GRID2: variants seen among roughly 807,000 people sequenced by gnomAD.
GRID2 encodes the protein glutamate receptor ionotropic, delta-2.
GRID2 carries 33 observed loss-of-function variants against 114.8 expected under a neutral mutation model. The observed-to-expected ratio is 0.29, with a 90% confidence interval of 0.22 to 0.38. The LOEUF (loss-of-function observed/expected upper bound fraction) is 0.38. Ranked by LOEUF, GRID2 falls within the 10% of genes least tolerant of loss-of-function variation. GRID2 has a pLI of 1.00. For missense variants in GRID2, 1,184 were observed against 1,257.7 expected, an observed-to-expected ratio of 0.94 and a Z score of 0.89; for synonymous variants, 505 against 449.9, an observed-to-expected ratio of 1.12 and a Z score of -1.55.
intron 2 of GRID2, among the ~76,000 whole-genome samples, chr4:93,046,536 T>A (rs959796803): frequency 6.6e-6 from 1 of 152,080 alleles, no homozygotes; most frequent in Non-Finnish European, 1.5e-5. Flanking sequence ...TTTAATTACA[T>A]TTCAAATTCT....
intron 4 of GRID2, among the ~76,000 whole-genome samples, chr4:93,129,280 T>C (rs1342484371): frequency 6.6e-6 from 1 of 152,186 alleles, no homozygotes; most frequent in African/African-American, 2.4e-5. Context: ...TTGTTGAAAA[T>C]AATAATAAGA....
chr4:93,676,366 A>C (rs1310511179), intron 14 of GRID2, among the ~76,000 whole-genome samples: 2 of 152,234 alleles, frequency 1.3e-5, no homozygotes, highest in Non-Finnish European at 2.9e-5. Flanking sequence ...CTTTCTAAAA[A>C]TTCTAGATCA....
Position 92,891,980 on chromosome 4 carries a change from T to C in GRID2, c.245-193015T>C, listed in dbSNP as rs142601161. 6.0e-3 allele frequency among the ~76,000 whole-genome samples: 920 copies of C among 152,334 alleles called. 7 individuals carry two copies. The highest frequency in any genetic ancestry group is 9.6e-3 in the Non-Finnish European group (655 of 68,032). On this transcript the variant is annotated intron_variant, in intron 2 of 15. Coordinates refer to ENST00000282020, the MANE Select transcript of GRID2 (RefSeq NM_001510.4). Reference sequence around the variant, plus strand: ...CTTTGAAAGTATGCCTCTTATAATGTATTTTGCACCCAAAAGTATCTCTAA... The same window carrying C: ...CTTTGAAAGTATGCCTCTTATAATGCATTTTGCACCCAAAAGTATCTCTAA...
chr4:92,696,060 G>A (rs892561290), intron 2 of GRID2, among the ~76,000 whole-genome samples: 1 of 152,002 alleles, frequency 6.6e-6, no homozygotes, highest in African/African-American at 2.4e-5. Context: ...AGACTTGTTA[G>A]TTAATTTATA....
At chr4:93,500,970 T>C (rs1362132255) in intron 12 of GRID2, among the ~76,000 whole-genome samples, 1 of 152,026 alleles carries the variant, frequency 6.6e-6, no homozygotes, top group Non-Finnish European at 1.5e-5. Context: ...ATTGGAATAC[T>C]ATTCTACTTG....
intron 8 of GRID2, among the ~76,000 whole-genome samples, chr4:93,376,968 C>T (rs929307076): frequency 1.3e-5 from 2 of 152,094 alleles, no homozygotes; most frequent in East Asian, 1.9e-4. Flanking sequence ...CATGTACCTG[C>T]ACATGAACTA....
chr4:92,673,676 A>G (rs1733185840), intron 2 of GRID2, among the ~76,000 whole-genome samples: 1 of 152,130 alleles, frequency 6.6e-6, no homozygotes, highest in South Asian at 2.1e-4. Flanking sequence ...TTCTTTCAGC[A>G]TCTTAAAATT....
At chr4:93,087,816 C>T (rs1398464589) in intron 3 of GRID2, among the ~76,000 whole-genome samples, 2 of 152,118 alleles carry the variant, frequency 1.3e-5, no homozygotes, top group Non-Finnish European at 2.9e-5. Flanking sequence ...GCAAGTAAAG[C>T]ATTGGACTAG....
At chr4:93,759,421 T>G (rs1229242561) in intron 14 of GRID2, among the ~76,000 whole-genome samples, 1 of 152,196 alleles carries the variant, frequency 6.6e-6, no homozygotes, top group Non-Finnish European at 1.5e-5. Context: ...CATCAAAATT[T>G]GAACATAAAT....
At chr4:93,345,415 T>C (rs1760119904) in intron 8 of GRID2, among the ~76,000 whole-genome samples, 1 of 152,134 alleles carries the variant, frequency 6.6e-6, no homozygotes, top group African/African-American at 2.4e-5. Flanking sequence ...GAGCGTTTTT[T>C]CATACCCCTG....
At chr4:92,971,288 G>T (rs1369050081) in intron 2 of GRID2, among the ~76,000 whole-genome samples, 1 of 151,918 alleles carries the variant, frequency 6.6e-6, no homozygotes, top group Non-Finnish European at 1.5e-5. Context: ...CAGGGACATA[G>T]GCACTTTATA....
At chr4:92,440,477 C>G (rs928928427) in intron 1 of GRID2, among the ~76,000 whole-genome samples, 2 of 151,986 alleles carry the variant, frequency 1.3e-5, no homozygotes, top group African/African-American at 4.8e-5. Context: ...TTGAGTAAAG[C>G]TAATTTGCCA....
At chr4:93,102,764 C>T (rs1035082049) in intron 3 of GRID2, among the ~76,000 whole-genome samples, 1 of 150,576 alleles carries the variant, frequency 6.6e-6, no homozygotes, top group South Asian at 2.1e-4. Flanking sequence ...TACTTAGCCA[C>T]CAGTATAACC....
chr4:93,512,007 G>A (rs531171622), intron 12 of GRID2, among the ~76,000 whole-genome samples: 16 of 151,504 alleles, frequency 1.1e-4, no homozygotes, highest in East Asian at 3.9e-4. Flanking sequence ...GGCTGGTCTC[G>A]AACTCCTGAC....
intron 8 of GRID2, among the ~76,000 whole-genome samples, chr4:93,270,207 CACACACAT>C (rs1267192943): frequency 1.4e-4 from 15 of 110,240 alleles, no homozygotes; most frequent in African/African-American, 7.5e-4. Context: ...CTCTCTCTCA[CACACACAT>C]ACACACACAC....
intron 2 of GRID2, among the ~76,000 whole-genome samples, chr4:93,061,398 G>A (rs1727796112): frequency 6.6e-6 from 1 of 151,822 alleles, no homozygotes; most frequent in South Asian, 2.1e-4. Context: ...AGACGTACCA[G>A]AGACAAGGCC....
chr4:93,474,196 A>G lies in GRID2; in HGVS notation c.1859-16443A>G, dbSNP rs1725102633. On this transcript the variant is annotated intron_variant, in intron 11 of 15. Transcript: ENST00000282020. ...ACTAAAATAGAGAAACGACAAATGC[A>G]TTTGTTGAGTTATCACTAGAACATG... Among the ~76,000 whole-genome samples, 3 of 152,152 alleles carry G rather than the reference A, an allele frequency of 2.0e-5. No individual in the cohort carries two copies. In the South Asian group the frequency reaches 6.2e-4, roughly 31 times the overall value.
chr4:93,578,585 G>GTTTTTTTT (rs1736642083), intron 13 of GRID2, among the ~76,000 whole-genome samples: 8 of 115,254 alleles, frequency 6.9e-5, no homozygotes, highest in African/African-American at 1.9e-4. Flanking sequence ...CTTGTTTTTT[G>GTTTTTTTT]TATTTTTTTT....
chr4:92,418,265 A>C (rs925485655), intron 1 of GRID2, among the ~76,000 whole-genome samples: 1 of 152,132 alleles, frequency 6.6e-6, no homozygotes, highest in Non-Finnish European at 1.5e-5. Context: ...TGGTGAATCC[A>C]GTGAGCTGGG....
Sources: gnomAD v4.1 joint callset for allele counts (sites outside exome capture counted in the v4.1 genomes callset) on GRCh38, gnomAD v4.1.1 for gene constraint, MANE v1.5 for transcripts, NCBI Gene and HGNC (gene_info 2026-07-23, HGNC 2026-07-21) for gene names.